ULK4: variants seen among roughly 807,000 people sequenced by gnomAD.
ULK4 encodes unc-51 like kinase 4.
ULK4 carries 133 observed loss-of-function variants against 160.6 expected under a neutral mutation model. The observed-to-expected ratio is 0.83, with a 90% confidence interval of 0.72 to 0.96. The LOEUF (loss-of-function observed/expected upper bound fraction) is 0.96. Ranked by LOEUF, ULK4 falls within the 40% of genes least tolerant of loss-of-function variation. The pLI is 0.00. For missense variants in ULK4, 1,580 were observed against 1,499.5 expected, an observed-to-expected ratio of 1.05 and a Z score of -0.89; for synonymous variants, 534 against 539.8, an observed-to-expected ratio of 0.99 and a Z score of 0.15.
At chr3:41,680,141 C>A (rs909321989) in intron 29 of ULK4, among the ~76,000 whole-genome samples, 3 of 152,106 alleles carry the variant, frequency 2.0e-5, no homozygotes, top group African/African-American at 7.2e-5. Context: ...ACATTAATCC[C>A]ATTAAAGAAG....
rs367578335 is a variant in ULK4 at position 41,896,305 on chromosome 3, AGTGCTGTG to A, written c.1530+509_1530+516del. 1.6e-3 allele frequency among the ~76,000 whole-genome samples: 250 copies of A among 151,844 alleles called. 2 individuals carry two copies. In the East Asian group the frequency reaches 0.032, roughly 19 times the overall value. On this transcript the variant is annotated intron_variant, in intron 15 of 36. Transcript: ENST00000301831. ...GTTTCACTTTTTTTGCCCAGGCTGG[AGTGCTGTG>A]GTGCGATCTCAGCTCACTGCAACCT...
intron 19 of ULK4, among the ~76,000 whole-genome samples, chr3:41,816,581 G>C (rs373994671): frequency 6.6e-6 from 1 of 152,118 alleles, no homozygotes; most frequent in African/African-American, 2.4e-5. Flanking sequence ...CTGGGAGGCC[G>C]AGGGAGGTGG....
chr3:41,527,060 CTCATT>C (rs1284882311), intron 32 of ULK4, among the ~76,000 whole-genome samples: 1 of 152,160 alleles, frequency 6.6e-6, no homozygotes, highest in Non-Finnish European at 1.5e-5. Context: ...CATACATTAT[CTCATT>C]TAACTCTTAT....
At chr3:41,841,775 C>A (rs1334343145) in intron 17 of ULK4, among the ~76,000 whole-genome samples, 1 of 152,160 alleles carries the variant, frequency 6.6e-6, no homozygotes, top group African/African-American at 2.4e-5. Flanking sequence ...ATAGGAGATA[C>A]CATTTTGTTC....
rs1474851275 is a variant in ULK4, at chr3:41,904,439, T to C, written c.1182+3406A>G. On this transcript the variant is annotated intron_variant, in intron 12 of 36. Coordinates refer to ENST00000301831, the MANE Select transcript of ULK4 (RefSeq NM_017886.4). The stretch of plus-strand genomic sequence containing the variant: ...AGTGAGGCTCTGTCTCAAAAATAAA[T>C]AAATAAATAAATAGATAGATAGATA... 5.3e-5 allele frequency among the ~76,000 whole-genome samples: 8 copies of C among 150,788 alleles called. No homozygotes were observed. In the East Asian group the frequency reaches 1.5e-3, roughly 29 times the overall value.
intron 31 of ULK4, among the ~76,000 whole-genome samples, chr3:41,612,859 T>C (rs1292414766): frequency 2.0e-5 from 3 of 152,104 alleles, no homozygotes. Context: ...GAGCACATCA[T>C]AGAAGAAACT....
intron 22 of ULK4, among the ~76,000 whole-genome samples, chr3:41,726,511 A>T (rs1332520243): frequency 6.6e-6 from 1 of 152,268 alleles, no homozygotes; most frequent in Non-Finnish European, 1.5e-5. Flanking sequence ...AGCAAATGAT[A>T]TTTCTCAGTG....
intron 32 of ULK4, among the ~76,000 whole-genome samples, chr3:41,480,205 T>TC (rs2084275692): frequency 3.9e-5 from 1 of 25,646 alleles, no homozygotes. Flanking sequence ...AGACTCCGTA[T>TC]CAAAAAAAAA....
chr3:41,630,772 A>T (rs2033709164), intron 30 of ULK4, among the ~76,000 whole-genome samples: 1 of 152,110 alleles, frequency 6.6e-6, no homozygotes, highest in Non-Finnish European at 1.5e-5. Flanking sequence ...CTCCTTTCTT[A>T]AAAGTAATGC....
chr3:41,452,940 C>T (rs6794510), intron 34 of ULK4, among the ~76,000 whole-genome samples: 86,860 of 151,862 alleles, frequency 0.57, 26,359 homozygotes, highest in African/African-American at 0.8. Context: ...TTAACGTGTT[C>T]GCAGTTAATC....
chr3:41,341,121 C>A (rs528906586), intron 35 of ULK4, among the ~76,000 whole-genome samples: 1 of 152,270 alleles, frequency 6.6e-6, no homozygotes, highest in South Asian at 2.1e-4. Flanking sequence ...AACTGGTATT[C>A]CATCTTGATT....
intron 29 of ULK4, among the ~76,000 whole-genome samples, chr3:41,673,150 T>G (rs1559476227): frequency 6.6e-6 from 1 of 152,132 alleles, no homozygotes; most frequent in Non-Finnish European, 1.5e-5. Flanking sequence ...AAAACTTTTT[T>G]TTAATTAAAA....
At chr3:41,647,336 G>C (rs1009365638) in intron 30 of ULK4, among the ~76,000 whole-genome samples, 24 of 152,074 alleles carry the variant, frequency 1.6e-4, no homozygotes, top group African/African-American at 5.8e-4. Flanking sequence ...ATCTACTTTT[G>C]GTCTTTGATG....
intron 25 of ULK4, among the ~76,000 whole-genome samples, chr3:41,706,570 G>GT: frequency 6.6e-6 from 1 of 151,132 alleles, no homozygotes; most frequent in East Asian, 1.9e-4. Flanking sequence ...GCTCACACCT[G>GT]TAATCCCAGC....
chr3:41,512,323 G>C (rs9852697), intron 32 of ULK4, among the ~76,000 whole-genome samples: 2 of 152,086 alleles, frequency 1.3e-5, no homozygotes, highest in African/African-American at 4.8e-5. Flanking sequence ...CATTGGCAAA[G>C]ATAAAGTCAA....
Position 41,295,731 on chromosome 3 carries a change from C to T in ULK4, c.3679-46157G>A, listed in dbSNP as rs534746014. 6.2e-4 allele frequency among the ~76,000 whole-genome samples: 47 copies of T among 75,678 alleles called. 13 individuals are homozygous for T. In the South Asian group the frequency reaches 0.02, roughly 32 times the overall value. The allele number at this position is 75,678 out of a possible 152,430, so 49.6% of individuals were successfully genotyped here. On this transcript the variant is annotated intron_variant, in intron 35 of 36. Transcript: ENST00000301831. ...AATGTAAATTAAAACAATGATATAC[C>T]ACTACACACCTTTTAGAATGGCCCA...
At chr3:41,658,737 A>ACTCT (rs1553628728) in intron 30 of ULK4, among the ~76,000 whole-genome samples, 4 of 151,062 alleles carry the variant, frequency 2.6e-5, no homozygotes, top group Non-Finnish European at 4.4e-5. Flanking sequence ...GTACACACAC[A>ACTCT]CACACACACA....
chr3:41,805,716 G>A lies in ULK4; in HGVS notation c.1849-5423C>T, dbSNP rs1362685987. Among the ~76,000 whole-genome samples, 11 of 151,310 alleles carry A rather than the reference G, an allele frequency of 7.3e-5. No individual in the cohort carries two copies. In the South Asian group the frequency reaches 2.1e-3, roughly 29 times the overall value. Reference sequence around the variant, plus strand: ...GAAGGGCTGTTGAATTTTGTCAAAGGCCTTTTCTGCATCTATTGAGATAAT... The same window carrying A: ...GAAGGGCTGTTGAATTTTGTCAAAGACCTTTTCTGCATCTATTGAGATAAT... On this transcript the variant is annotated intron_variant, in intron 19 of 36. Coordinates refer to ENST00000301831, the MANE Select transcript of ULK4 (RefSeq NM_017886.4).
At chr3:41,253,178 A>G (rs541638253) in intron 35 of ULK4, among the ~76,000 whole-genome samples, 2 of 152,268 alleles carry the variant, frequency 1.3e-5, no homozygotes, top group East Asian at 3.9e-4. Context: ...TCAGAGAGAA[A>G]GCAAATAACA....
Sources: gnomAD v4.1 joint callset for allele counts (sites outside exome capture counted in the v4.1 genomes callset) on GRCh38, gnomAD v4.1.1 for gene constraint, MANE v1.5 for transcripts, NCBI Gene and HGNC (gene_info 2026-07-23, HGNC 2026-07-21) for gene names.